PRKCQ: variants seen among roughly 807,000 people sequenced by gnomAD.
PRKCQ encodes the protein protein kinase C theta.
A neutral mutation model predicts 91.2 loss-of-function variants in PRKCQ; 41 were observed. The observed-to-expected ratio is 0.45, with a 90% CI of 0.35 to 0.58. PRKCQ has a LOEUF of 0.58. Ranked by LOEUF, PRKCQ falls within the 20% of genes least tolerant of loss-of-function variation. The pLI, the probability that PRKCQ is intolerant of heterozygous loss-of-function variation, is 0.00. For missense variants in PRKCQ, 673 were observed against 896.5 expected (o/e 0.75, Z 3.18); for synonymous variants, 307 against 316.9 (o/e 0.97, Z 0.33).
chr10:6,488,416 C>T (rs1296792358), intron 8 of PRKCQ, among the ~76,000 whole-genome samples: 1 of 148,636 alleles, frequency 6.7e-6, no homozygotes, highest in Non-Finnish European at 1.5e-5. Flanking sequence ...CATGGAGTCT[C>T]GCTGTGTCAC....
At position 6,461,419 on chromosome 10, in the gene PRKCQ, G is replaced by T. The variant is rs573825801; in HGVS notation, c.1508+884C>A. 3.3e-5 allele frequency among the ~76,000 whole-genome samples: 5 copies of T among 152,268 alleles called. No individual in the cohort carries two copies. The East Asian group carries it at 5.8e-4, about 18-fold the overall frequency. On this transcript the variant is annotated intron_variant, in intron 14 of 17. Coordinates refer to ENST00000263125, the MANE Select transcript of PRKCQ (RefSeq NM_006257.5). ...CTAAGAGTTTTAAAATAATATTCTG[G>T]TGAGTATTTCTCAATTTCCTGAAGA...
chr10:6,515,408 T>C, intron 1 of PRKCQ: 2 of 985,446 alleles, frequency 2.0e-6, no homozygotes, highest in African/African-American at 1.7e-5. Flanking sequence ...CAAGAGTTAG[T>C]TCCATTCAAC....
chr10:6,472,530 G>T (rs963295404), intron 12 of PRKCQ, among the ~76,000 whole-genome samples: 3 of 152,194 alleles, frequency 2.0e-5, no homozygotes, highest in Admixed American at 6.5e-5. Flanking sequence ...CATTTAAAAG[G>T]TGTTAGAATT....
chr10:6,405,331 CTTGGG>C, the PRKCQ span, among the ~76,000 whole-genome samples: 1 of 152,172 alleles, frequency 6.6e-6, no homozygotes, highest in Non-Finnish European at 1.5e-5. Context: ...GATGTGTTTC[CTTGGG>C]AAGCAGTGTT....
chr10:6,483,055 C>T (rs1836698923), intron 11 of PRKCQ, among the ~76,000 whole-genome samples: 1 of 152,156 alleles, frequency 6.6e-6, no homozygotes, highest in Admixed American at 6.5e-5. Flanking sequence ...AAAAAAATCA[C>T]ATGCAAACTA....
At chr10:6,511,293 G>A (rs1419405855) in intron 2 of PRKCQ, 99 bp from the exon 3 acceptor site, 8 of 1,141,900 alleles carry the variant, frequency 7.0e-6, no homozygotes, top group Non-Finnish European at 1.0e-5. Flanking sequence ...TGTTCTCTGG[G>A]ATATAGAATT....
At chr10:6,494,105 C>G (rs1400200508) in intron 7 of PRKCQ, among the ~76,000 whole-genome samples, 1 of 152,114 alleles carries the variant, frequency 6.6e-6, no homozygotes, top group South Asian at 2.1e-4. Flanking sequence ...CTTTTCCTTC[C>G]TCCAGCCATC....
At chr10:6,562,140 G>A (rs1840656657) in intron 1 of PRKCQ, among the ~76,000 whole-genome samples, 1 of 152,118 alleles carries the variant, frequency 6.6e-6, no homozygotes, top group South Asian at 2.1e-4. Flanking sequence ...GGACGCTCGT[G>A]GGTAAGGAAG....
At chr10:6,565,095 A>G (rs759667997) in intron 1 of PRKCQ, among the ~76,000 whole-genome samples, 13 of 152,242 alleles carry the variant, frequency 8.5e-5, no homozygotes, top group Non-Finnish European at 1.3e-4. Flanking sequence ...TTAGATGAAC[A>G]TTCAAGCAAA....
intron 10 of PRKCQ, among the ~76,000 whole-genome samples, chr10:6,483,947 C>T (rs1564339619): frequency 6.6e-6 from 1 of 152,176 alleles, no homozygotes; most frequent in Non-Finnish European, 1.5e-5. Context: ...TCAAGGACAT[C>T]TAGGGATTTT....
intron 1 of PRKCQ, among the ~76,000 whole-genome samples, chr10:6,536,641 C>T (rs1839593970): frequency 6.6e-6 from 1 of 152,194 alleles, no homozygotes. Context: ...CTGTTCTTCT[C>T]CCAGGCAAAA....
the PRKCQ span, among the ~76,000 whole-genome samples, chr10:6,404,087 A>G: frequency 5.9e-3 from 899 of 152,246 alleles, 4 homozygotes; most frequent in Admixed American, 8.6e-3. Flanking sequence ...CTGAGAGACA[A>G]TTTTTAGGAT....
chr10:6,555,044 G>A (rs745436612), intron 1 of PRKCQ, among the ~76,000 whole-genome samples: 2 of 151,942 alleles, frequency 1.3e-5, no homozygotes, highest in African/African-American at 4.8e-5. Context: ...ATCAAATAAT[G>A]CATATTCTCA....
At chr10:6,455,583 T>TA (rs1834960643) in intron 15 of PRKCQ, among the ~76,000 whole-genome samples, 1 of 152,210 alleles carries the variant, frequency 6.6e-6, no homozygotes, top group African/African-American at 2.4e-5. Context: ...ACACGTTTAT[T>TA]AGTTAGTTCA....
Position 6,462,334 on chromosome 10 carries a change from G to T in PRKCQ, c.1477C>A (p.Gln493Lys), listed in dbSNP as rs996537837. ...ACTATTCCTTTGGAATGAAGGAACT[G>T]CAGACCAAGAATGATTTCAGCAGCA... ...FYAAEIILGL[Q>K]FLHSKGIVYR... Residue 493 changes from glutamine to lysine, a missense_variant, in exon 14 of 18, where the codon CAG becomes AAG. Coordinates refer to ENST00000263125, the MANE Select transcript of PRKCQ (RefSeq NM_006257.5). 1 of 1,613,960 alleles carries T rather than the reference G, an allele frequency of 6.2e-7. No homozygotes were observed. The highest frequency in any genetic ancestry group is 8.5e-7 in the Non-Finnish European group (1 of 1,179,914).
chr10:6,571,425 T>C (rs1841041913), intron 1 of PRKCQ, among the ~76,000 whole-genome samples: 1 of 152,246 alleles, frequency 6.6e-6, no homozygotes, highest in African/African-American at 2.4e-5. Context: ...TGTCTTGCTC[T>C]TTATGAAACT....
chr10:6,433,290 C>T lies in PRKCQ; in HGVS notation c.1837-2352G>A, dbSNP rs11258769. On this transcript the variant is annotated intron_variant, in intron 16 of 17. Transcript: ENST00000263125. ...TGGATAATCTCTCATCTGTGTACCA[C>T]ACAACATCTTCGCTCCACTGGAGAA... 8.8e-3 allele frequency among the ~76,000 whole-genome samples: 1,348 copies of T among 152,328 alleles called. 11 individuals are homozygous for T. Among genetic ancestry groups the T allele is most frequent in the African/African-American group, 0.031 (1,273 of 41,568 alleles).
At chr10:6,481,873 ATTACC>A (rs1355491299) in intron 11 of PRKCQ, among the ~76,000 whole-genome samples, 1 of 152,168 alleles carries the variant, frequency 6.6e-6, no homozygotes, top group Non-Finnish European at 1.5e-5. Flanking sequence ...AATATCAAAA[ATTACC>A]TAAAAGCCTA....
chr10:6,442,055 G>A lies in PRKCQ; in HGVS notation c.1674C>T (p.His558=), dbSNP rs1833997735. 6.2e-7 allele frequency: 1 copy of A among 1,613,628 alleles called. No individual in the cohort carries two copies. Among genetic ancestry groups the A allele is most frequent in the South Asian group, 1.1e-5 (1 of 91,054 alleles). Reference sequence around the variant, plus strand: ...CCCCGAAGGACCACCAGTCCACAGAGTGGTTGTATTTCTGACCCAGCAAGA... The same window carrying A: ...CCCCGAAGGACCACCAGTCCACAGAATGGTTGTATTTCTGACCCAGCAAGA... ...PEILLGQKYN[H]SVDWWSFGVL... Residue 558 remains histidine (H), a synonymous_variant, in exon 16 of 18, where the codon CAC becomes CAT. Coordinates refer to ENST00000263125, the MANE Select transcript of PRKCQ (RefSeq NM_006257.5).
Sources: gnomAD v4.1 joint callset for allele counts (sites outside exome capture counted in the v4.1 genomes callset) on GRCh38, gnomAD v4.1.1 for gene constraint, MANE v1.5 for transcripts, NCBI Gene and HGNC (gene_info 2026-07-23, HGNC 2026-07-21) for gene names.